Variants in ANKRD44 observed in about 807,000 individuals in gnomAD.
The protein encoded by ANKRD44 is ankyrin repeat domain 44, also known as serine/threonine-protein phosphatase 6 regulatory ankyrin repeat subunit B.
A neutral mutation model predicts 116.0 loss-of-function variants in ANKRD44; 35 were observed. The observed-to-expected ratio is 0.30, with a 90% CI of 0.23 to 0.40. The LOEUF is 0.40. Among genes scored for constraint, ANKRD44 ranks in the 10% least tolerant of loss-of-function variants. ANKRD44 has a pLI of 1.00. For missense variants in ANKRD44, 1,014 were observed against 1,242.6 expected, an observed-to-expected ratio of 0.82 and a Z score of 2.77; for synonymous variants, 435 against 461.8, an observed-to-expected ratio of 0.94 and a Z score of 0.74.
chr2:197,150,474 G>A lies in ANKRD44; in HGVS notation c.112-3369C>T, dbSNP rs12105785. On this transcript the variant is annotated intron_variant, in intron 2 of 27. Transcript: ENST00000282272. ...TGAGGCAGGAGAATGGCATGAACCC[G>A]GGAGGCGGAGCTTGCAGTGAGCCAA... 9.7e-3 allele frequency among the ~76,000 whole-genome samples: 1,478 copies of A among 152,164 alleles called. 22 individuals are homozygous for A. Among genetic ancestry groups the A allele is most frequent in the African/African-American group, 0.033 (1,361 of 41,506 alleles).
At chr2:197,043,913 A>G (rs1378565427) in intron 16 of ANKRD44, among the ~76,000 whole-genome samples, 5 of 152,220 alleles carry the variant, frequency 3.3e-5, no homozygotes, top group Non-Finnish European at 7.3e-5. Context: ...AGAATGATCT[A>G]TTTATAAAAT....
chr2:196,967,912 A>ACTCTCTCTCTCT lies in ANKRD44; in HGVS notation c.2369-478_2369-467dup, dbSNP rs35734167. Among the ~76,000 whole-genome samples, 294 of 140,932 alleles carry ACTCTCTCTCTCT rather than the reference A, an allele frequency of 2.1e-3. 4 individuals are homozygous for ACTCTCTCTCTCT. Among genetic ancestry groups the ACTCTCTCTCTCT allele is most frequent in the South Asian group, 6.2e-3 (26 of 4,202 alleles). 92.5% of individuals were successfully genotyped at this position (140,932 alleles called of 152,430 possible). A position where few individuals can be genotyped will look rare whatever the true frequency, so the allele number is the denominator to read the frequency against. The stretch of plus-strand genomic sequence containing the variant: ...TGGGGTGGATCCCTCATGGCTTGGC[A>ACTCTCTCTCTCT]CTCTCTCTCTCTCTCTCTCTCTCTC... On this transcript the variant is annotated intron_variant, in intron 21 of 21. Coordinates refer to the ANKRD44 transcript ENST00000424317.
In ANKRD44 at chr2:197,310,584, G is replaced by A; in HGVS notation, c.21C>T (p.Thr7=). The A allele has an allele frequency of 2.4e-6, 3 of 1,261,336 alleles. No individual in the cohort carries two copies. The highest frequency in any genetic ancestry group is 1.7e-5 in the South Asian group (1 of 58,484). The allele number at this position is 1,261,336 out of a possible 1,614,324, so 78.1% of individuals were successfully genotyped here. The change falls in exon 1 of 28, where the codon ACC becomes ACT. Residue 7 remains threonine (T), a synonymous_variant. Coordinates refer to ENST00000282272, the MANE Select transcript of ANKRD44 (RefSeq NM_001195144.2). MAVLKL[T]DQPPLVQAIF... is the part of the protein sequence containing the mutation. ...CGGCGCCGCCGCCCGCTACCTGGTC[G>A]GTGAGTTTGAGCACTGCCATTCTTC...
rs71012960 is a variant in ANKRD44, at chr2:197,170,190, C to CAA, written c.111+16831_111+16832dup. On this transcript the variant is annotated intron_variant, in intron 2 of 27. Coordinates refer to ENST00000282272, the MANE Select transcript of ANKRD44 (RefSeq NM_001195144.2). ...GGGCGATAGAACAAGACCCTGTTTCCAAAAAAAAAAAAAAAAAAAAAAAAC... is the reference window on the plus strand; with the variant it reads ...GGGCGATAGAACAAGACCCTGTTTCCAAAAAAAAAAAAAAAAAAAAAAAAAAC... Among the ~76,000 whole-genome samples the CAA allele has an allele frequency of 2.9e-4, 35 of 119,742 alleles. 1 individual carries two copies. Among genetic ancestry groups the CAA allele is most frequent in the African/African-American group, 6.6e-4 (20 of 30,500 alleles). The allele number at this position is 119,742 out of a possible 152,430, so 78.6% of individuals were successfully genotyped here.
intron 2 of ANKRD44, among the ~76,000 whole-genome samples, chr2:197,182,552 C>G (rs189757046): frequency 6.6e-6 from 1 of 152,222 alleles, no homozygotes; most frequent in Non-Finnish European, 1.5e-5. Flanking sequence ...AAGGACTGGA[C>G]TAGGCGATTG....
chr2:197,027,354 T>G (rs2076615753), intron 16 of ANKRD44, among the ~76,000 whole-genome samples: 1 of 152,126 alleles, frequency 6.6e-6, no homozygotes, highest in Non-Finnish European at 1.5e-5. Context: ...AGAGCCAGAC[T>G]CTGTCTCAAG....
intron 3 of ANKRD44, among the ~76,000 whole-genome samples, chr2:197,145,292 A>AAAAT (rs56075904): frequency 0.92 from 136,661 of 148,980 alleles, 63,153 homozygotes; most frequent in East Asian, 1. Context: ...CTCCGTCTCA[A>AAAAT]AAATAAATAA....
chr2:197,296,576 A>G (rs1345909469), intron 1 of ANKRD44: 1 of 152,152 alleles, frequency 6.6e-6, no homozygotes. Context: ...CTTCCCTCTA[A>G]AAGAATAAAT....
In ANKRD44 at chr2:197,078,775, A is replaced by G; in HGVS notation, c.1578T>C (p.Ser526=). 1 of 1,613,420 alleles carries G rather than the reference A, an allele frequency of 6.2e-7. No individual in the cohort carries two copies. The highest frequency in any genetic ancestry group is 8.5e-7 in the Non-Finnish European group (1 of 1,179,510). Residue 526 remains serine, a synonymous_variant, in exon 16 of 28, where the codon TCT becomes TCC. Transcript: ENST00000282272. The part of the protein sequence containing the change: ...EFLLQNDANP[S]IRDKEGYNSI... ...TATTGTAACCTTCCTTGTCCCGGAT[A>G]GATGGATTTGCATCATTTTGAAGCA... is the stretch of plus-strand genomic sequence containing the variant.
intron 22 of ANKRD44, among the ~76,000 whole-genome samples, chr2:197,000,898 C>T (rs558970785): frequency 2.0e-5 from 3 of 152,222 alleles, no homozygotes; most frequent in Admixed American, 2.0e-4. Flanking sequence ...ATTAGCCAGG[C>T]GTGGTGGCGC....
At chr2:197,007,724 G>T in intron 20 of ANKRD44, 82 bp downstream of exon 20, 2 of 898,172 alleles carry the variant, frequency 2.2e-6, no homozygotes, top group Non-Finnish European at 3.6e-6. Flanking sequence ...AATCAAAGTA[G>T]GCCCTTTGTA....
At chr2:197,255,070 GAGA>G (rs1324116026) in intron 1 of ANKRD44, among the ~76,000 whole-genome samples, 1 of 152,234 alleles carries the variant, frequency 6.6e-6, no homozygotes. Flanking sequence ...CAGAGAATGT[GAGA>G]AGGAGATGAA....
chr2:197,293,825 A>T (rs1293700654), intron 1 of ANKRD44, among the ~76,000 whole-genome samples: 3 of 152,178 alleles, frequency 2.0e-5, no homozygotes, highest in Non-Finnish European at 4.4e-5. Flanking sequence ...TCTAATCTGG[A>T]TAATGCAGAT....
chr2:197,222,240 G>A (rs2081600632), intron 1 of ANKRD44, among the ~76,000 whole-genome samples: 1 of 152,112 alleles, frequency 6.6e-6, no homozygotes, highest in Admixed American at 6.6e-5. Flanking sequence ...GTACCTGCTG[G>A]TGCCTTGTAA....
chr2:197,275,428 C>CAAAAA (rs527811437), intron 1 of ANKRD44, among the ~76,000 whole-genome samples: 1 of 97,284 alleles, frequency 1.0e-5, no homozygotes, highest in Non-Finnish European at 2.1e-5. Flanking sequence ...CCAGTCTCTT[C>CAAAAA]AAAAAAAAAA....
chr2:197,219,495 G>A lies in ANKRD44; in HGVS notation c.28-32389C>T, dbSNP rs185918126. 7.5e-3 allele frequency among the ~76,000 whole-genome samples: 1,142 copies of A among 152,092 alleles called. 12 individuals are homozygous for A. Among genetic ancestry groups the A allele is most frequent in the African/African-American group, 0.026 (1,099 of 41,472 alleles). On this transcript the variant is annotated intron_variant, in intron 1 of 27. Transcript: ENST00000282272. ...AAGTCGCTTTTGCTTAAACTAGTTT[G>A]GTGGGATTTCTGTTACTTGCGTCCA... is the stretch of plus-strand genomic sequence containing the variant.
chr2:197,165,800 C>T (rs2080089226), intron 2 of ANKRD44, among the ~76,000 whole-genome samples: 2 of 152,114 alleles, frequency 1.3e-5, no homozygotes, highest in Admixed American at 6.5e-5. Flanking sequence ...TCTATTGGTA[C>T]GTGATAGCTT....
chr2:197,070,219 G>A (rs1489888662), intron 16 of ANKRD44, among the ~76,000 whole-genome samples: 2 of 152,014 alleles, frequency 1.3e-5, no homozygotes, highest in Non-Finnish European at 2.9e-5. Context: ...TTTCTGATCT[G>A]TACACTTTTT....
intron 27 of ANKRD44, chr2:196,990,273 T>G (rs1253836064): frequency 2.8e-5 from 28 of 988,364 alleles, no homozygotes; most frequent in Non-Finnish European, 3.1e-5. Flanking sequence ...TATCTGCCTC[T>G]TCCCTTCCCT....
Sources: gnomAD v4.1 joint callset for allele counts (sites outside exome capture counted in the v4.1 genomes callset) on GRCh38, gnomAD v4.1.1 for gene constraint, MANE v1.5 for transcripts, NCBI Gene and HGNC (gene_info 2026-07-23, HGNC 2026-07-21) for gene names.